The following UNC5D variants were observed in gnomAD, a reference collection of about 807,000 sequenced individuals.
The protein encoded by UNC5D is unc-5 netrin receptor D.
UNC5D carries 39 observed loss-of-function variants against 105.4 expected under a neutral mutation model. That is an observed-to-expected ratio of 0.37 (90% confidence interval 0.29 to 0.48). UNC5D has a LOEUF of 0.48. Among genes scored for constraint, UNC5D ranks in the 20% least tolerant of loss-of-function variants. The probability of loss-of-function intolerance (pLI) is 0.98; values close to 1 mark genes in which losing one functional copy is unlikely to be tolerated. For missense variants in UNC5D, 991 were observed against 1,202.4 expected (o/e 0.82, Z 2.60); for synonymous variants, 452 against 450.4 (o/e 1.00, Z -0.04).
intron 11 of UNC5D, among the ~76,000 whole-genome samples, chr8:35,735,597 A>G (rs1270800965): frequency 6.6e-6 from 1 of 152,200 alleles, no homozygotes; most frequent in African/African-American, 2.4e-5. Flanking sequence ...GGGTGCTTAG[A>G]TGGTACCATG....
intron 16 of UNC5D, among the ~76,000 whole-genome samples, chr8:35,786,728 G>T (rs1413855785): frequency 6.6e-6 from 1 of 152,004 alleles, no homozygotes; most frequent in African/African-American, 2.4e-5. Context: ...CCATCTAGTT[G>T]CTTATTTCAA....
At chr8:35,350,499 A>G (rs779961876) in intron 1 of UNC5D, among the ~76,000 whole-genome samples, 11 of 152,000 alleles carry the variant, frequency 7.2e-5, no homozygotes, top group Non-Finnish European at 1.5e-4. Context: ...TCATGAATAA[A>G]ACTCAAAAAC....
intron 1 of UNC5D, among the ~76,000 whole-genome samples, chr8:35,362,244 G>A (rs541356238): frequency 2.6e-5 from 4 of 152,230 alleles, no homozygotes; most frequent in Admixed American, 6.5e-5. Flanking sequence ...TGCAGCCCTT[G>A]CCTGTTCACT....
intron 1 of UNC5D, among the ~76,000 whole-genome samples, chr8:35,352,075 A>G (rs1219557710): frequency 1.3e-5 from 2 of 152,138 alleles, no homozygotes; most frequent in Non-Finnish European, 2.9e-5. Context: ...GGACACATTT[A>G]AGTGTTTTTT....
chr8:35,583,921 G>A (rs1208087977), intron 3 of UNC5D, among the ~76,000 whole-genome samples: 1 of 152,054 alleles, frequency 6.6e-6, no homozygotes, highest in Admixed American at 6.6e-5. Context: ...CCTTATGGGG[G>A]GTTCCTACCC....
chr8:35,378,330 G>T (rs560489056), intron 1 of UNC5D, among the ~76,000 whole-genome samples: 2 of 152,164 alleles, frequency 1.3e-5, no homozygotes, highest in African/African-American at 4.8e-5. Context: ...TTGTCTTGCC[G>T]TACTTCCCTG....
intron 1 of UNC5D, among the ~76,000 whole-genome samples, chr8:35,474,462 C>G (rs930087196): frequency 6.6e-6 from 1 of 152,044 alleles, no homozygotes; most frequent in Admixed American, 6.5e-5. Flanking sequence ...AGAAAAAGAC[C>G]ATTTGAGATA....
intron 1 of UNC5D, among the ~76,000 whole-genome samples, chr8:35,283,312 C>T (rs973911207): frequency 2.0e-5 from 3 of 152,138 alleles, no homozygotes; most frequent in African/African-American, 7.2e-5. Flanking sequence ...CAAGTCTGTG[C>T]CTGCAGCATC....
At position 35,790,635 on chromosome 8, in the gene UNC5D, T is replaced by G. The variant is rs2131817554; in HGVS notation, c.*72T>G. The G allele has an allele frequency of 6.5e-7, 1 of 1,542,224 alleles. No individual in the cohort carries two copies. Among genetic ancestry groups the G allele is most frequent in the African/African-American group, 1.4e-5 (1 of 73,658 alleles). ...TGCTTTAAATGGGAAAGAGGCCGCTTTCTGCCCAGTGGCGTTGGGGGAATT... is the reference window on the plus strand; with the variant it reads ...TGCTTTAAATGGGAAAGAGGCCGCTGTCTGCCCAGTGGCGTTGGGGGAATT... On this transcript the variant is annotated 3_prime_UTR_variant, in exon 17 of 17. Coordinates refer to ENST00000404895, the MANE Select transcript of UNC5D (RefSeq NM_080872.4).
chr8:35,407,782 C>T (rs1804905309), intron 1 of UNC5D, among the ~76,000 whole-genome samples: 1 of 152,102 alleles, frequency 6.6e-6, no homozygotes, highest in African/African-American at 2.4e-5. Flanking sequence ...TAATTGAGAA[C>T]ATGCAGTATT....
At chr8:35,380,800 C>T (rs547327790) in intron 1 of UNC5D, among the ~76,000 whole-genome samples, 16 of 152,230 alleles carry the variant, frequency 1.1e-4, no homozygotes, top group Middle Eastern at 3.4e-3. Context: ...TCACTATGTA[C>T]GCATTGGAAT....
rs1803181716 is a variant in UNC5D, at chr8:35,794,510, A to G, written c.*3947A>G. On this transcript the variant is annotated 3_prime_UTR_variant, in exon 17 of 17. Transcript: ENST00000404895. ...TTATTCGCCTTTGGTGTTAGTTGCC[A>G]TAGTGCTGTATTTGAAAATCGATGC... The G allele has an allele frequency of 6.6e-6, 1 of 152,638 alleles. No individual in the cohort carries two copies. Among genetic ancestry groups the G allele is most frequent in the South Asian group, 2.1e-4 (1 of 4,836 alleles). The allele number at this position is 152,638 out of a possible 1,614,324, so 9.5% of individuals were successfully genotyped here.
chr8:35,447,771 C>A (rs1205108528), intron 1 of UNC5D, among the ~76,000 whole-genome samples: 1 of 152,010 alleles, frequency 6.6e-6, no homozygotes, highest in Non-Finnish European at 1.5e-5. Context: ...ATTTATTATT[C>A]ATCCTCTACC....
chr8:35,552,718 C>G (rs540108285), intron 2 of UNC5D, among the ~76,000 whole-genome samples: 1 of 152,256 alleles, frequency 6.6e-6, no homozygotes, highest in East Asian at 1.9e-4. Context: ...GTTTCAGGAA[C>G]GTCTCTGATC....
rs60430743 is a variant in UNC5D at position 35,766,805 on chromosome 8, G to A, written c.2314-97G>A. The A allele has an allele frequency of 0.023, 30,196 of 1,335,948 alleles. 2,263 individuals are homozygous for A. In the African/African-American group the frequency reaches 0.25, roughly 11 times the overall value. The allele number at this position is 1,335,948 out of a possible 1,614,324, so 82.8% of individuals were successfully genotyped here. A position where few individuals can be genotyped will look rare whatever the true frequency, so the allele number is the denominator to read the frequency against. The stretch of plus-strand genomic sequence containing the variant: ...GATTGTCCTCATCGTTGTTGTTGTC[G>A]TCATCATCATCATCATCATCACTAT... On this transcript the variant is annotated intron_variant, in intron 14 of 16. Transcript: ENST00000404895.
chr8:35,549,630 C>G (rs1815957309), intron 2 of UNC5D, 120 bp downstream of exon 2: 1 of 894,164 alleles, frequency 1.1e-6, no homozygotes, highest in African/African-American at 1.7e-5. Context: ...GTCATAGTTA[C>G]ATCACTCCCA....
intron 1 of UNC5D, among the ~76,000 whole-genome samples, chr8:35,375,474 A>G (rs879047156): frequency 6.6e-6 from 1 of 152,234 alleles, no homozygotes; most frequent in Non-Finnish European, 1.5e-5. Flanking sequence ...ATCTAATAAA[A>G]AAGACAACAT....
At chr8:35,337,146 T>C (rs1811105411) in intron 1 of UNC5D, among the ~76,000 whole-genome samples, 2 of 152,164 alleles carry the variant, frequency 1.3e-5, no homozygotes, top group Admixed American at 1.3e-4. Context: ...TACTGAAATA[T>C]CTTAATTTTG....
At chr8:35,525,463 G>A (rs1586046817) in intron 1 of UNC5D, 2 of 1,612,246 alleles carry the variant, frequency 1.2e-6, no homozygotes, top group South Asian at 1.1e-5. Context: ...GCATAGGCCT[G>A]GCTCAGCTTC....
Sources: allele counts gnomAD v4.1 joint callset (sites outside exome capture counted in the v4.1 genomes callset), GRCh38; gene constraint gnomAD v4.1.1; transcripts MANE v1.5; gene names NCBI Gene and HGNC (gene_info 2026-07-23, HGNC 2026-07-21).